MDGA2: variants seen among roughly 807,000 people sequenced by gnomAD.
MDGA2 encodes MAM domain-containing glycosylphosphatidylinositol anchor protein 2.
MDGA2 carries 40 observed loss-of-function variants against 117.8 expected under a neutral mutation model. The observed-to-expected ratio is 0.34, with a 90% CI of 0.26 to 0.44. The LOEUF (loss-of-function observed/expected upper bound fraction) is 0.44. MDGA2 is among the 20% of genes least tolerant of loss of function. MDGA2 has a pLI of 1.00. For missense variants in MDGA2, 1,123 were observed against 1,250.6 expected (o/e 0.90, Z 1.54); for synonymous variants, 452 against 439.0 (o/e 1.03, Z -0.37).
At position 46,873,479 on chromosome 14, in the gene MDGA2, A is replaced by T. The variant is rs773702663; in HGVS notation, c.2706T>A (p.Thr902=). The T allele has an allele frequency of 8.1e-6, 13 of 1,612,314 alleles. No individual in the cohort carries two copies. Among genetic ancestry groups the T allele is most frequent in the Non-Finnish European group, 1.0e-5 (12 of 1,178,954 alleles). The change falls in exon 14 of 17, where the codon ACT becomes ACA. Residue 902 remains threonine (T), a synonymous_variant. Transcript: ENST00000399232. ...APKNPYGPTN[T]AYCFSFFYHM... Reference sequence around the variant, plus strand: ...GATAAAAGAAGCTGAAACAATATGCAGTGTTTGTGGGTCCATAAGGGTTTT... The same window carrying T: ...GATAAAAGAAGCTGAAACAATATGCTGTGTTTGTGGGTCCATAAGGGTTTT...
At chr14:46,934,303 T>G (rs1234600361) in intron 9 of MDGA2, among the ~76,000 whole-genome samples, 3 of 152,088 alleles carry the variant, frequency 2.0e-5, no homozygotes, top group African/African-American at 4.8e-5. Context: ...TTTTATAATT[T>G]ACAACTAAAA....
At chr14:46,903,710 T>C (rs1370547943) in intron 10 of MDGA2, among the ~76,000 whole-genome samples, 1 of 152,180 alleles carries the variant, frequency 6.6e-6, no homozygotes, top group Admixed American at 6.5e-5. Flanking sequence ...GGTTACATTA[T>C]TTGTAATATG....
At chr14:47,358,507 G>A (rs945940703) in intron 1 of MDGA2, among the ~76,000 whole-genome samples, 6 of 152,012 alleles carry the variant, frequency 3.9e-5, no homozygotes, top group Non-Finnish European at 5.9e-5. Flanking sequence ...TATTCAAATC[G>A]GAAAATAAGT....
chr14:47,356,515 G>A (rs772994560), intron 1 of MDGA2, among the ~76,000 whole-genome samples: 5 of 152,118 alleles, frequency 3.3e-5, no homozygotes, highest in African/African-American at 7.2e-5. Context: ...TATGCCATGC[G>A]TATCCCCAGA....
chr14:47,190,697 T>C (rs1885077389), intron 3 of MDGA2, among the ~76,000 whole-genome samples: 1 of 152,208 alleles, frequency 6.6e-6, no homozygotes, highest in African/African-American at 2.4e-5. Flanking sequence ...GGTATTTTTC[T>C]TTCCTCTCTT....
chr14:46,938,317 T>C (rs1364194247), intron 9 of MDGA2, among the ~76,000 whole-genome samples: 1 of 151,772 alleles, frequency 6.6e-6, no homozygotes, highest in Non-Finnish European at 1.5e-5. Flanking sequence ...GGTGGGTGGA[T>C]CACCTGAGGT....
At chr14:46,930,255 C>T (rs1884516379) in intron 9 of MDGA2, among the ~76,000 whole-genome samples, 1 of 152,028 alleles carries the variant, frequency 6.6e-6, no homozygotes, top group Admixed American at 6.6e-5. Flanking sequence ...AAAACTTAGT[C>T]CCAATTGCAC....
chr14:47,168,902 C>T (rs928994411), intron 3 of MDGA2, among the ~76,000 whole-genome samples: 1 of 151,924 alleles, frequency 6.6e-6, no homozygotes, highest in African/African-American at 2.4e-5. Context: ...ATCTGTTAAA[C>T]CTTAGCAACA....
Position 46,845,757 on chromosome 14 carries a change from G to C in MDGA2, c.2989+9C>G. The C allele has an allele frequency of 6.4e-7, 1 of 1,563,078 alleles. No individual in the cohort carries two copies. The highest frequency in any genetic ancestry group is 8.8e-7 in the Non-Finnish European group (1 of 1,135,912). ...TTACAACAAACCAATCTCAAGCAAA[G>C]ATACTTACTCTTAGTTGCTAGGTCT... On this transcript the variant is annotated intron_variant, in intron 16 of 16. Coordinates refer to ENST00000399232, the MANE Select transcript of MDGA2 (RefSeq NM_001113498.3).
In MDGA2 at chr14:47,498,907, T is replaced by G. The variant is rs191197403; in HGVS notation, c.280+175610A>C. ...TTATAAAAGCAGTTTCCTTATTTAT[T>G]GTTCTGACATCACCATTTATAATTT... On this transcript the variant is annotated intron_variant, in intron 1 of 16. Transcript: ENST00000399232. Among the ~76,000 whole-genome samples, 90 of 152,298 alleles carry G rather than the reference T, an allele frequency of 5.9e-4. 1 individual carries two copies. Among genetic ancestry groups the G allele is most frequent in the Middle Eastern group, 3.4e-3 (1 of 294 alleles).
chr14:47,578,000 A>G (rs1436487683), intron 1 of MDGA2, among the ~76,000 whole-genome samples: 1 of 152,210 alleles, frequency 6.6e-6, no homozygotes, highest in Non-Finnish European at 1.5e-5. Flanking sequence ...TTACAATAGC[A>G]AAGACATAGA....
At chr14:47,454,544 T>C (rs1335520005) in intron 1 of MDGA2, among the ~76,000 whole-genome samples, 1 of 152,182 alleles carries the variant, frequency 6.6e-6, no homozygotes, top group Admixed American at 6.6e-5. Context: ...TTATTCATTC[T>C]CTGTTTGTTT....
intron 1 of MDGA2, among the ~76,000 whole-genome samples, chr14:47,529,918 C>T (rs1010636064): frequency 6.6e-6 from 1 of 152,030 alleles, no homozygotes; most frequent in Non-Finnish European, 1.5e-5. Context: ...GTAGGGAGAC[C>T]CCCTGAAACT....
chr14:47,630,080 A>C (rs1239780840), intron 1 of MDGA2, among the ~76,000 whole-genome samples: 4 of 152,016 alleles, frequency 2.6e-5, no homozygotes, highest in African/African-American at 9.7e-5. Context: ...TACTTCTGAT[A>C]CTAAAAAAAA....
intron 1 of MDGA2, among the ~76,000 whole-genome samples, chr14:47,361,089 C>CA (rs1213321337): frequency 2.0e-5 from 3 of 151,376 alleles, no homozygotes; most frequent in Non-Finnish European, 2.9e-5. Flanking sequence ...CTTGCCACAC[C>CA]AAAAAATTGT....
At position 47,589,045 on chromosome 14, in the gene MDGA2, T is replaced by C. The variant is rs115876022; in HGVS notation, c.280+85472A>G. ...TTTCTCTTGTAATCTTGAGGTTACA[T>C]TGGGCTCACCTAGATAATCAAGGAT... On this transcript the variant is annotated intron_variant, in intron 1 of 16. Coordinates refer to ENST00000399232, the MANE Select transcript of MDGA2 (RefSeq NM_001113498.3). 8.0e-3 allele frequency among the ~76,000 whole-genome samples: 1,215 copies of C among 152,020 alleles called. 19 individuals carry two copies. Among genetic ancestry groups the C allele is most frequent in the African/African-American group, 0.028 (1,177 of 41,502 alleles).
chr14:47,321,039 G>A (rs550445467), intron 1 of MDGA2, among the ~76,000 whole-genome samples: 63 of 152,232 alleles, frequency 4.1e-4, no homozygotes, highest in African/African-American at 1.2e-3. Flanking sequence ...GGATATGACC[G>A]TTCTAGGAAA....
chr14:47,255,049 AC>A (rs1454781761), intron 2 of MDGA2, among the ~76,000 whole-genome samples: 1 of 152,170 alleles, frequency 6.6e-6, no homozygotes, highest in African/African-American at 2.4e-5. Flanking sequence ...CCCTCCCACC[AC>A]ATGTGGGGAT....
At chr14:47,572,400 G>T (rs548840980) in intron 1 of MDGA2, among the ~76,000 whole-genome samples, 18 of 152,206 alleles carry the variant, frequency 1.2e-4, no homozygotes, top group African/African-American at 4.1e-4. Flanking sequence ...AGAAATATTT[G>T]GGATCATGTT....
Sources: gnomAD v4.1 joint callset for allele counts (sites outside exome capture counted in the v4.1 genomes callset) on GRCh38, gnomAD v4.1.1 for gene constraint, MANE v1.5 for transcripts, NCBI Gene and HGNC (gene_info 2026-07-23, HGNC 2026-07-21) for gene names.